SYT16: variants seen among roughly 807,000 people sequenced by gnomAD.
SYT16 encodes synaptotagmin 16.
A neutral mutation model predicts 61.4 loss-of-function variants in SYT16; 42 were observed. The observed-to-expected ratio is 0.68, with a 90% CI of 0.53 to 0.89. SYT16 has a LOEUF of 0.89. Ranked by LOEUF, SYT16 falls within the 40% of genes least tolerant of loss-of-function variation. The probability of loss-of-function intolerance (pLI) is 0.00; values close to 1 mark genes in which losing one functional copy is unlikely to be tolerated. For missense variants in SYT16, 804 were observed against 807.3 expected, an observed-to-expected ratio of 1.00 and a Z score of 0.05; for synonymous variants, 314 against 302.3, an observed-to-expected ratio of 1.04 and a Z score of -0.40.
At chr14:61,911,681 A>G (rs1311523140) in intron 1 of SYT16, among the ~76,000 whole-genome samples, 1 of 152,076 alleles carries the variant, frequency 6.6e-6, no homozygotes, top group Non-Finnish European at 1.5e-5. Context: ...TAACAAAAAC[A>G]CCTTAGCAAC....
At chr14:61,970,562 C>G (rs1172669621) in intron 2 of SYT16, among the ~76,000 whole-genome samples, 1 of 152,164 alleles carries the variant, frequency 6.6e-6, no homozygotes, top group Non-Finnish European at 1.5e-5. Flanking sequence ...TTGACAAGAG[C>G]CTTGATGCGT....
intron 2 of SYT16, among the ~76,000 whole-genome samples, chr14:61,971,953 G>A (rs2051579259): frequency 6.6e-6 from 1 of 152,236 alleles, no homozygotes; most frequent in Non-Finnish European, 1.5e-5. Flanking sequence ...CCATGGGGTG[G>A]TATGAAGGTA....
chr14:62,077,648 A>C (rs2000316), intron 5 of SYT16: 76,046 of 152,224 alleles, frequency 0.5, 20,715 homozygotes, highest in African/African-American at 0.73. Flanking sequence ...ACAGTACCCA[A>C]GTGAGGAGCT....
At chr14:62,003,023 C>A (rs1030687804) in intron 3 of SYT16, among the ~76,000 whole-genome samples, 1 of 151,996 alleles carries the variant, frequency 6.6e-6, no homozygotes, top group South Asian at 2.1e-4. Context: ...GGGAAACCAC[C>A]CCCATGATTC....
intron 3 of SYT16, among the ~76,000 whole-genome samples, chr14:62,053,779 A>T (rs994162628): frequency 6.6e-6 from 1 of 152,232 alleles, no homozygotes; most frequent in Admixed American, 6.5e-5. Flanking sequence ...TAAACTCTGT[A>T]TGACAATTAT....
intron 1 of SYT16, among the ~76,000 whole-genome samples, chr14:61,837,498 C>T (rs372715335): frequency 6.6e-6 from 1 of 152,092 alleles, no homozygotes; most frequent in Non-Finnish European, 1.5e-5. Flanking sequence ...CTCAGCCTCC[C>T]GAGTAGCTGT....
chr14:61,832,277 A>G, intron 1 of SYT16: 1 of 594,788 alleles, frequency 1.7e-6, no homozygotes, highest in East Asian at 4.1e-5. Context: ...GCGCATAGTC[A>G]TCGCTCTTCA....
intron 1 of SYT16, among the ~76,000 whole-genome samples, chr14:61,939,211 G>A (rs1266656939): frequency 5.9e-5 from 9 of 152,170 alleles, no homozygotes; most frequent in Admixed American, 2.0e-4. Flanking sequence ...TGCTATAGAA[G>A]TCTGGAGGAC....
intron 3 of SYT16, among the ~76,000 whole-genome samples, chr14:62,049,226 T>C (rs1293706023): frequency 6.6e-6 from 1 of 152,334 alleles, no homozygotes; most frequent in South Asian, 2.1e-4. Flanking sequence ...TTTACCATTA[T>C]GTAATGGCCT....
chr14:61,958,088 A>T (rs544706676), intron 1 of SYT16, among the ~76,000 whole-genome samples: 4 of 151,806 alleles, frequency 2.6e-5, no homozygotes, highest in Non-Finnish European at 5.9e-5. Context: ...GTAATTATTC[A>T]TAATATTCAT....
At chr14:61,926,992 G>C (rs1214162051) in intron 1 of SYT16, among the ~76,000 whole-genome samples, 3 of 152,152 alleles carry the variant, frequency 2.0e-5, no homozygotes, top group Admixed American at 1.3e-4. Flanking sequence ...CAAAGACTCA[G>C]CTGTAATTAT....
chr14:62,009,886 A>AT (rs2053375367), intron 3 of SYT16, among the ~76,000 whole-genome samples: 1 of 152,042 alleles, frequency 6.6e-6, no homozygotes, highest in African/African-American at 2.4e-5. Flanking sequence ...CCGATTTCTG[A>AT]TATTTCTGAT....
intron 2 of SYT16, among the ~76,000 whole-genome samples, chr14:61,985,708 C>A (rs759847033): frequency 6.6e-6 from 1 of 152,056 alleles, no homozygotes; most frequent in Non-Finnish European, 1.5e-5. Context: ...TAAAAACTAT[C>A]CCTAGATTTT....
At chr14:62,078,701 A>G (rs768248564) in intron 5 of SYT16, among the ~76,000 whole-genome samples, 7 of 152,218 alleles carry the variant, frequency 4.6e-5, no homozygotes, top group Admixed American at 2.6e-4. Context: ...AAGAAGCTGT[A>G]TGAACTGATA....
chr14:62,033,197 G>C (rs150612095), intron 3 of SYT16, among the ~76,000 whole-genome samples: 3 of 150,304 alleles, frequency 2.0e-5, no homozygotes, highest in African/African-American at 4.9e-5. Flanking sequence ...TGAAAAGTAA[G>C]TATATAGCTA....
chr14:62,056,885 C>T (rs1457795282), intron 3 of SYT16, among the ~76,000 whole-genome samples: 2 of 152,186 alleles, frequency 1.3e-5, no homozygotes, highest in Non-Finnish European at 2.9e-5. Context: ...ACGCTCTGGA[C>T]GAGCGCGGCG....
At chr14:61,814,778 GT>G (rs2045376631) in intron 1 of SYT16, among the ~76,000 whole-genome samples, 2 of 152,200 alleles carry the variant, frequency 1.3e-5, no homozygotes, top group African/African-American at 4.8e-5. Context: ...CAAAACTAAT[GT>G]GAGAGGCTTA....
intron 1 of SYT16, among the ~76,000 whole-genome samples, chr14:61,902,121 A>G (rs1329543792): frequency 6.6e-6 from 1 of 152,086 alleles, no homozygotes; most frequent in East Asian, 1.9e-4. Context: ...TTTGGGTCTA[A>G]TGTTATGTTC....
At chr14:62,093,542 A>G (rs910891991) in intron 7 of SYT16, among the ~76,000 whole-genome samples, 3 of 152,032 alleles carry the variant, frequency 2.0e-5, no homozygotes, top group African/African-American at 7.2e-5. Flanking sequence ...CTAGCTTTAT[A>G]ATATATAAGG....
Sources: gnomAD v4.1 joint callset for allele counts (sites outside exome capture counted in the v4.1 genomes callset) on GRCh38, gnomAD v4.1.1 for gene constraint, MANE v1.5 for transcripts, NCBI Gene and HGNC (gene_info 2026-07-23, HGNC 2026-07-21) for gene names.